DDX1: variants seen among roughly 807,000 people sequenced by gnomAD.
DDX1 encodes ATP-dependent RNA helicase DDX1.
DDX1 carries 28 observed loss-of-function variants against 108.7 expected under a neutral mutation model. The observed-to-expected ratio is 0.26, with a 90% CI of 0.19 to 0.35. The LOEUF is 0.35. DDX1 is among the 10% of genes least tolerant of loss of function. The pLI is 1.00. For missense variants in DDX1, 710 were observed against 884.5 expected (o/e 0.80, Z 2.50); for synonymous variants, 295 against 288.9 (o/e 1.02, Z -0.21).
intron 5 of DDX1, among the ~76,000 whole-genome samples, chr2:15,598,090 A>T (rs538146990): frequency 5.9e-5 from 9 of 152,034 alleles, no homozygotes; most frequent in Non-Finnish European, 1.2e-4. Context: ...ATTCTATCTT[A>T]ATTAATCTTT....
At chr2:15,618,625 G>C (rs1484442307) in intron 16 of DDX1, among the ~76,000 whole-genome samples, 5 of 152,262 alleles carry the variant, frequency 3.3e-5, no homozygotes, top group African/African-American at 1.2e-4. Context: ...CAGGCCCCGA[G>C]GCTTCAGGTC....
chr2:15,623,351 G>A, intron 18 of DDX1, 85 bp from the exon 19 acceptor site: 2 of 1,294,252 alleles, frequency 1.5e-6, no homozygotes, highest in Middle Eastern at 1.9e-4. Flanking sequence ...AAATTAAGCA[G>A]TCAGTCTGTG....
chr2:15,620,103 C>A, intron 16 of DDX1, 105 bp from the exon 17 acceptor site: 1 of 1,052,728 alleles, frequency 9.5e-7, no homozygotes, highest in Non-Finnish European at 1.4e-6. Context: ...TTGAACTTAT[C>A]TTTGGAGTCT....
At chr2:15,604,594 CA>C in intron 10 of DDX1, 85 bp downstream of exon 10, 3 of 874,910 alleles carry the variant, frequency 3.4e-6, no homozygotes, top group Admixed American at 1.8e-5. Context: ...CCCTGTTTTT[CA>C]AATCCCCGTC....
At chr2:15,629,144 T>G (rs1351717734) in intron 23 of DDX1, among the ~76,000 whole-genome samples, 3 of 152,170 alleles carry the variant, frequency 2.0e-5, no homozygotes, top group Admixed American at 6.5e-5. Flanking sequence ...GGGAGATTTA[T>G]TTTGATATAA....
At chr2:15,610,873 T>C (rs6732531) in intron 13 of DDX1, among the ~76,000 whole-genome samples, 2 of 148,740 alleles carry the variant, frequency 1.3e-5, no homozygotes, top group African/African-American at 5.0e-5. Flanking sequence ...TTTTTTTTTT[T>C]ATTTTTTATT....
chr2:15,603,896 C>G lies in DDX1; in HGVS notation c.552+6C>G. 1 of 1,596,330 alleles carries G rather than the reference C, an allele frequency of 6.3e-7. No individual in the cohort carries two copies. Among genetic ancestry groups the G allele is most frequent in the Middle Eastern group, 1.7e-4 (1 of 6,016 alleles). Reference sequence around the variant, plus strand: ...AATTTGATAATTATGGAGAGGTAAGCGATTATGTTATGACTTCAACATAGC... The same window carrying G: ...AATTTGATAATTATGGAGAGGTAAGGGATTATGTTATGACTTCAACATAGC... On this transcript the variant is annotated splice_donor_region_variant and intron_variant, in intron 9 of 25. Coordinates refer to ENST00000233084, the MANE Select transcript of DDX1 (RefSeq NM_004939.3).
rs760773418 is a variant in DDX1, at chr2:15,623,597, C to G, written c.1594+15C>G. On this transcript the variant is annotated intron_variant, in intron 19 of 25. Transcript: ENST00000233084. ...ACAAGGAGGAGGTAATTTTTTCTCA[C>G]TTGAAATAAATTGTGTTTATATCCT... The G allele has an allele frequency of 6.2e-7, 1 of 1,607,770 alleles. No individual in the cohort carries two copies. Among genetic ancestry groups the G allele is most frequent in the African/African-American group, 1.3e-5 (1 of 74,752 alleles).
chr2:15,592,271 C>A (rs1000366527), intron 1 of DDX1, among the ~76,000 whole-genome samples: 1 of 152,220 alleles, frequency 6.6e-6, no homozygotes, highest in Non-Finnish European at 1.5e-5. Context: ...GGCTCCCAGA[C>A]GCCTGGGCCT....
chr2:15,619,535 C>T (rs540177630), intron 16 of DDX1, among the ~76,000 whole-genome samples: 39 of 152,332 alleles, frequency 2.6e-4, no homozygotes, highest in Middle Eastern at 6.8e-3. Flanking sequence ...CTGCTCCTGA[C>T]GGCCTGTTGC....
At chr2:15,626,477 G>A (rs1281136736) in intron 19 of DDX1, among the ~76,000 whole-genome samples, 1 of 152,018 alleles carries the variant, frequency 6.6e-6, no homozygotes, top group Non-Finnish European at 1.5e-5. Flanking sequence ...TACTCTTTTT[G>A]TTACTGTGTC....
chr2:15,607,637 A>C (rs1665686752), intron 13 of DDX1, among the ~76,000 whole-genome samples: 1 of 151,756 alleles, frequency 6.6e-6, no homozygotes, highest in African/African-American at 2.4e-5. Flanking sequence ...CCCAGGCTGG[A>C]GTGTAGTGAT....
chr2:15,601,413 G>C (rs1485619218), intron 6 of DDX1, among the ~76,000 whole-genome samples: 1 of 152,182 alleles, frequency 6.6e-6, no homozygotes, highest in African/African-American at 2.4e-5. Context: ...TGATGCCCAG[G>C]TTGTGGCTTA....
chr2:15,616,264 G>A (rs912147057), intron 14 of DDX1, among the ~76,000 whole-genome samples: 1 of 152,074 alleles, frequency 6.6e-6, no homozygotes, highest in Non-Finnish European at 1.5e-5. Context: ...TCTAGAAATG[G>A]GTCAGGCACT....
intron 6 of DDX1, 140 bp downstream of exon 6, chr2:15,599,856 C>CCTG: frequency 1.7e-6 from 1 of 582,856 alleles, no homozygotes; most frequent in Non-Finnish European, 3.0e-6. Context: ...CAGTATAGAA[C>CCTG]TGACATAGGA....
chr2:15,625,156 A>G (rs1459642281), intron 19 of DDX1, among the ~76,000 whole-genome samples: 1 of 152,174 alleles, frequency 6.6e-6, no homozygotes, highest in Admixed American at 6.5e-5. Context: ...AAACACAGCA[A>G]TGATGGATGA....
intron 10 of DDX1, among the ~76,000 whole-genome samples, chr2:15,605,200 A>G (rs1665643763): frequency 6.6e-6 from 1 of 152,154 alleles, no homozygotes; most frequent in Admixed American, 6.6e-5. Context: ...TGCTTTGTTG[A>G]AGACACATTG....
chr2:15,613,450 A>G (rs1665836334), intron 14 of DDX1, among the ~76,000 whole-genome samples, 166 bp downstream of exon 14: 1 of 152,168 alleles, frequency 6.6e-6, no homozygotes, highest in South Asian at 2.1e-4. Context: ...CTTCTCCTGG[A>G]AGTATACAAA....
At chr2:15,614,804 T>A (rs1010654880) in intron 14 of DDX1, among the ~76,000 whole-genome samples, 1 of 152,214 alleles carries the variant, frequency 6.6e-6, no homozygotes, top group Admixed American at 6.5e-5. Context: ...AAACATTTAG[T>A]GTGTTTTATT....
Sources: allele counts gnomAD v4.1 joint callset (sites outside exome capture counted in the v4.1 genomes callset), GRCh38; gene constraint gnomAD v4.1.1; transcripts MANE v1.5; gene names NCBI Gene and HGNC (gene_info 2026-07-23, HGNC 2026-07-21).